Variants in TIAM2 observed in about 807,000 individuals in gnomAD.
The protein encoded by TIAM2 is TIAM Rac1 associated GEF 2.
A neutral mutation model predicts 152.9 loss-of-function variants in TIAM2; 80 were observed. That is an observed-to-expected ratio of 0.52 (90% CI 0.44 to 0.63). The LOEUF (loss-of-function observed/expected upper bound fraction) is 0.63. Ranked by LOEUF, TIAM2 falls within the 30% of genes least tolerant of loss-of-function variation. The pLI is 0.00. For synonymous variants in TIAM2, 804 were observed against 838.0 expected, an observed-to-expected ratio of 0.96 and a Z score of 0.70; for missense variants, 1,965 against 2,120.1, an observed-to-expected ratio of 0.93 and a Z score of 1.44.
chr6:155,249,540 A>T (rs1233621512), intron 20 of TIAM2, among the ~76,000 whole-genome samples: 1 of 152,260 alleles, frequency 6.6e-6, no homozygotes, highest in Non-Finnish European at 1.5e-5. Flanking sequence ...GATGATTCAC[A>T]GAAATCACCT....
chr6:155,086,507 G>A (rs1261414169), intron 1 of TIAM2, among the ~76,000 whole-genome samples: 3 of 152,060 alleles, frequency 2.0e-5, no homozygotes, highest in African/African-American at 7.2e-5. Context: ...AGGAGTTCGA[G>A]ACCAGCCTGA....
chr6:155,219,423 A>C (rs1395569811), intron 15 of TIAM2, among the ~76,000 whole-genome samples: 1 of 151,498 alleles, frequency 6.6e-6, no homozygotes, highest in Admixed American at 6.6e-5. Flanking sequence ...CCTGGAAGAG[A>C]GGCGGCAAGG....
rs147918987 is a variant in TIAM2, at chr6:155,130,238, A to G, written c.1015A>G (p.Ile339Val). 2.6e-4 allele frequency: 422 copies of G among 1,614,104 alleles called. 1 individual carries two copies. In the African/African-American group the frequency reaches 5.2e-3, roughly 20 times the overall value. The change falls in exon 4 of 27, where the codon ATT becomes GTT. Residue 339 changes from isoleucine to valine, a missense_variant. By Grantham distance (29) the Ile-to-Val change is conservative. Around this residue, in one of 3 missense-constraint regions of TIAM2, gnomAD observed 1,025 missense variants for 1,119.4 expected, o/e 0.92. Transcript: ENST00000682666. ...LSNRVSFASD[I>V]DVPSRVAHGD... ...CAACCGTGTCTCTTTTGCTTCCGAC[A>G]TTGATGTGCCCTCCAGAGTGGCACA...
At chr6:155,209,506 G>A (rs960849456) in intron 14 of TIAM2, among the ~76,000 whole-genome samples, 2 of 152,168 alleles carry the variant, frequency 1.3e-5, no homozygotes, top group African/African-American at 2.4e-5. Flanking sequence ...TGTTGGTGAG[G>A]GGACTGCCTC....
chr6:155,089,890 G>C (rs1216312055), intron 1 of TIAM2, among the ~76,000 whole-genome samples: 1 of 152,030 alleles, frequency 6.6e-6, no homozygotes, highest in Non-Finnish European at 1.5e-5. Context: ...TAGTGGCTTG[G>C]TCACAGTAGG....
intron 7 of TIAM2, among the ~76,000 whole-genome samples, chr6:155,155,434 G>A (rs924161822): frequency 2.0e-5 from 3 of 152,060 alleles, no homozygotes; most frequent in African/African-American, 7.2e-5. Context: ...CCAAAGTGCT[G>A]GGATTACAGG....
intron 16 of TIAM2, among the ~76,000 whole-genome samples, chr6:155,241,629 T>A (rs1783040749): frequency 6.6e-6 from 1 of 152,124 alleles, no homozygotes; most frequent in Admixed American, 6.5e-5. Flanking sequence ...ATGTCGCTGT[T>A]TTACCAGGAC....
intron 1 of TIAM2, among the ~76,000 whole-genome samples, chr6:155,073,159 CTTTTTTT>C (rs34459359): frequency 3.8e-5 from 4 of 105,344 alleles, no homozygotes; most frequent in Admixed American, 1.1e-4. Flanking sequence ...TGATTAAGTT[CTTTTTTT>C]TTTTTTTTTT....
chr6:155,032,094 A>T (rs1776834000), intron 1 of TIAM2, among the ~76,000 whole-genome samples: 1 of 99,792 alleles, frequency 1.0e-5, no homozygotes, highest in Admixed American at 8.8e-5. Flanking sequence ...GAGGGAAAAA[A>T]GGTGGGAGAG....
intron 1 of TIAM2, among the ~76,000 whole-genome samples, chr6:155,062,455 C>T (rs1777604596): frequency 6.6e-6 from 1 of 152,168 alleles, no homozygotes; most frequent in Non-Finnish European, 1.5e-5. Flanking sequence ...GTATTCACAT[C>T]TGTTGCTCCA....
chr6:155,036,117 C>T (rs1336178508), intron 1 of TIAM2, among the ~76,000 whole-genome samples: 2 of 151,858 alleles, frequency 1.3e-5, no homozygotes, highest in African/African-American at 2.4e-5. Flanking sequence ...TAAAAGATAC[C>T]CCAAACAGAG....
intron 14 of TIAM2, among the ~76,000 whole-genome samples, chr6:155,209,889 C>T (rs1781680898): frequency 6.6e-6 from 1 of 152,208 alleles, no homozygotes; most frequent in Non-Finnish European, 1.5e-5. Context: ...TCCAGGGGTT[C>T]CCCTAGCTTC....
intron 2 of TIAM2, among the ~76,000 whole-genome samples, chr6:155,095,015 A>T (rs1778390900): frequency 6.6e-6 from 1 of 152,112 alleles, no homozygotes; most frequent in Non-Finnish European, 1.5e-5. Context: ...ATGGAGAAGG[A>T]GTTGCCTGGC....
chr6:155,216,125 G>A (rs1781852968), intron 15 of TIAM2, among the ~76,000 whole-genome samples: 1 of 152,156 alleles, frequency 6.6e-6, no homozygotes, highest in Admixed American at 6.5e-5. Context: ...TATTTTTGAA[G>A]TGGTGATGTG....
At chr6:155,005,706 A>G (rs1277183936) in intron 1 of TIAM2, among the ~76,000 whole-genome samples, 3 of 143,354 alleles carry the variant, frequency 2.1e-5, no homozygotes, top group South Asian at 4.4e-4. Context: ...CCTAGGCTGG[A>G]GTGCAATGGT....
At chr6:155,126,628 G>A (rs1779304383) in intron 2 of TIAM2, among the ~76,000 whole-genome samples, 1 of 152,142 alleles carries the variant, frequency 6.6e-6, no homozygotes, top group South Asian at 2.1e-4. Flanking sequence ...TTACTCAGGA[G>A]GCTGAGGTAG....
At chr6:155,077,021 T>A (rs1167598505) in intron 1 of TIAM2, among the ~76,000 whole-genome samples, 1 of 152,174 alleles carries the variant, frequency 6.6e-6, no homozygotes, top group Non-Finnish European at 1.5e-5. Flanking sequence ...TTCTACAAAT[T>A]CCTTTTATTT....
In TIAM2 at chr6:155,226,422, T is replaced by C. The variant is rs570708818; in HGVS notation, c.3169-14108T>C. ...TGGTGGCTCACGCCTGTAATCCCAGTACTTTGGGAGGCCGAGGCAGGTGGA... is the reference window on the plus strand; with the variant it reads ...TGGTGGCTCACGCCTGTAATCCCAGCACTTTGGGAGGCCGAGGCAGGTGGA... On this transcript the variant is annotated intron_variant, in intron 15 of 26. Transcript: ENST00000682666. Among the ~76,000 whole-genome samples the C allele has an allele frequency of 5.3e-5, 8 of 152,058 alleles. 1 individual carries two copies. The highest frequency in any genetic ancestry group is 2.1e-4 in the South Asian group (1 of 4,812).
chr6:155,228,254 G>T (rs1397640659), intron 15 of TIAM2, among the ~76,000 whole-genome samples: 1 of 152,140 alleles, frequency 6.6e-6, no homozygotes, highest in African/African-American at 2.4e-5. Flanking sequence ...GACTTTACCT[G>T]CCCAGGAAAT....
Sources: allele counts gnomAD v4.1 joint callset (sites outside exome capture counted in the v4.1 genomes callset), GRCh38; gene constraint gnomAD v4.1.1; regional missense constraint gnomAD v4.1.1; transcripts MANE v1.5; gene names NCBI Gene and HGNC (gene_info 2026-07-23, HGNC 2026-07-21).